The following SAMSN1 variants were observed in gnomAD, a reference collection of about 807,000 sequenced individuals.
SAMSN1 encodes SAM domain-containing protein SAMSN-1.
A neutral mutation model predicts 42.0 loss-of-function variants in SAMSN1; 31 were observed. That is an observed-to-expected ratio of 0.74 (90% CI 0.55 to 1.00). The LOEUF (loss-of-function observed/expected upper bound fraction) is 1.00. Among genes scored for constraint, SAMSN1 ranks in the 50% least tolerant of loss-of-function variants. The probability of loss-of-function intolerance (pLI) is 0.00; values close to 1 mark genes in which losing one functional copy is unlikely to be tolerated. For synonymous variants in SAMSN1, 178 were observed against 151.9 expected (o/e 1.17, Z -1.26); for missense variants, 464 against 439.4 (o/e 1.06, Z -0.50).
intron 2 of SAMSN1, among the ~76,000 whole-genome samples, chr21:14,581,961 G>A (rs943780560): frequency 1.3e-5 from 2 of 152,172 alleles, no homozygotes; most frequent in Non-Finnish European, 2.9e-5. Flanking sequence ...TATATGAAAT[G>A]TTAATATGGG....
intron 7 of SAMSN1, among the ~76,000 whole-genome samples, chr21:14,496,622 G>A (rs1039145468): frequency 2.0e-5 from 3 of 152,160 alleles, no homozygotes; most frequent in Non-Finnish European, 4.4e-5. Flanking sequence ...TTACCTGAAC[G>A]AACTTACTAT....
chr21:14,637,140 G>C (rs1227141886), intron 2 of SAMSN1, among the ~76,000 whole-genome samples: 1 of 152,168 alleles, frequency 6.6e-6, no homozygotes, highest in East Asian at 1.9e-4. Context: ...ATATGTGGCT[G>C]ATACAACTTA....
At chr21:14,635,971 C>T (rs1983458196) in intron 2 of SAMSN1, among the ~76,000 whole-genome samples, 1 of 152,120 alleles carries the variant, frequency 6.6e-6, no homozygotes, top group African/African-American at 2.4e-5. Context: ...GTCCCCCACC[C>T]CACAACAGGC....
intron 2 of SAMSN1, among the ~76,000 whole-genome samples, chr21:14,630,420 C>T (rs1341723415): frequency 6.6e-6 from 1 of 150,640 alleles, no homozygotes; most frequent in East Asian, 1.9e-4. Context: ...AAGAGATAAC[C>T]ATGGCTTTCA....
At chr21:14,524,498 A>C (rs1978707321) in intron 1 of SAMSN1, among the ~76,000 whole-genome samples, 1 of 152,162 alleles carries the variant, frequency 6.6e-6, no homozygotes, top group Admixed American at 6.5e-5. Context: ...GTCTTTCCTT[A>C]TGCAATTAGA....
intron 6 of SAMSN1, among the ~76,000 whole-genome samples, chr21:14,599,567 T>C (rs967779669): frequency 2.0e-5 from 3 of 152,166 alleles, no homozygotes; most frequent in Admixed American, 6.6e-5. Context: ...GTGTTTGGGT[T>C]ATGGGGCTGA....
rs1252662881 is a variant in SAMSN1, at chr21:14,652,832, C to T, written c.24+5916G>A. On this transcript the variant is annotated intron_variant, in intron 1 of 15. Coordinates refer to the SAMSN1 transcript ENST00000647101. Reference sequence around the variant, plus strand: ...GAACACACATGGAACTCAAACAACTCTATAGGAAAAAGTCTAATAATCTGA... The same window carrying T: ...GAACACACATGGAACTCAAACAACTTTATAGGAAAAAGTCTAATAATCTGA... Among the ~76,000 whole-genome samples the T allele has an allele frequency of 2.6e-5, 4 of 151,902 alleles. No individual in the cohort carries two copies. In the South Asian group the frequency reaches 8.3e-4, roughly 32 times the overall value.
At chr21:14,575,757 C>A (rs911817677) in intron 2 of SAMSN1, among the ~76,000 whole-genome samples, 2 of 152,104 alleles carry the variant, frequency 1.3e-5, no homozygotes, top group African/African-American at 2.4e-5. Flanking sequence ...TTGGCAGGAG[C>A]CTGACATCAC....
At chr21:14,647,051 G>A (rs1326828778) in intron 1 of SAMSN1, among the ~76,000 whole-genome samples, 2 of 152,150 alleles carry the variant, frequency 1.3e-5, no homozygotes, top group African/African-American at 4.8e-5. Context: ...TAAATGGCAA[G>A]AGTAAGTCCT....
At chr21:14,505,814 A>G (rs1987373412) in intron 5 of SAMSN1, among the ~76,000 whole-genome samples, 1 of 152,174 alleles carries the variant, frequency 6.6e-6, no homozygotes, top group Non-Finnish European at 1.5e-5. Flanking sequence ...TCAACAACAC[A>G]TGGAACTTTC....
At chr21:14,555,367 C>T (rs1980731882) in intron 2 of SAMSN1, among the ~76,000 whole-genome samples, 1 of 152,172 alleles carries the variant, frequency 6.6e-6, no homozygotes, top group Admixed American at 6.5e-5. Flanking sequence ...GTTTTGCCAA[C>T]TACATTCCTT....
chr21:14,504,088 A>G (rs7275458), intron 5 of SAMSN1, among the ~76,000 whole-genome samples: 10,856 of 152,202 alleles, frequency 0.071, 1,200 homozygotes, highest in African/African-American at 0.24. Context: ...CCCATGGGAC[A>G]AAAGAATCTG....
At chr21:14,539,504 C>A (rs971943347) in intron 1 of SAMSN1, among the ~76,000 whole-genome samples, 3 of 152,002 alleles carry the variant, frequency 2.0e-5, no homozygotes, top group African/African-American at 7.3e-5. Context: ...CAATAACAGA[C>A]AAACAGAGAG....
chr21:14,624,031 G>A (rs533540788), intron 2 of SAMSN1, among the ~76,000 whole-genome samples: 2 of 152,258 alleles, frequency 1.3e-5, no homozygotes, highest in African/African-American at 4.8e-5. Flanking sequence ...TGACTACTGG[G>A]TACACAACGA....
chr21:14,488,300 A>C (rs1986529138), intron 7 of SAMSN1, among the ~76,000 whole-genome samples: 1 of 152,176 alleles, frequency 6.6e-6, no homozygotes, highest in Non-Finnish European at 1.5e-5. Context: ...AAATTAAAAG[A>C]ACTGATCTAC....
chr21:14,649,935 A>G lies in SAMSN1; in HGVS notation c.25-6802T>C, dbSNP rs548119620. 2.0e-5 allele frequency among the ~76,000 whole-genome samples: 3 copies of G among 152,320 alleles called. No homozygotes were observed. In the South Asian group the frequency reaches 6.2e-4, roughly 32 times the overall value. On this transcript the variant is annotated intron_variant, in intron 1 of 15. Coordinates refer to the SAMSN1 transcript ENST00000647101. ...AGATTTCAACACAAAATCTATAAGA[A>G]GAGACAAAGAAGGTCACTATTTAAT...
intron 2 of SAMSN1, among the ~76,000 whole-genome samples, chr21:14,617,788 C>A (rs920006838): frequency 6.6e-6 from 1 of 152,230 alleles, no homozygotes; most frequent in Admixed American, 6.5e-5. Flanking sequence ...CAGGATTCCT[C>A]TGCCTTTGCT....
intron 1 of SAMSN1, among the ~76,000 whole-genome samples, chr21:14,529,644 A>C (rs891981363): frequency 6.6e-6 from 1 of 152,242 alleles, no homozygotes; most frequent in Non-Finnish European, 1.5e-5. Flanking sequence ...ACCATGGACC[A>C]AATCATTCCA....
At chr21:14,544,654 T>C (rs1036334127) in intron 1 of SAMSN1, among the ~76,000 whole-genome samples, 1 of 152,182 alleles carries the variant, frequency 6.6e-6, no homozygotes, top group African/African-American at 2.4e-5. Flanking sequence ...TGTATATTTT[T>C]TCAAAATTTT....
Sources: allele counts gnomAD v4.1 joint callset (sites outside exome capture counted in the v4.1 genomes callset), GRCh38; gene constraint gnomAD v4.1.1; transcripts MANE v1.5; gene names NCBI Gene and HGNC (gene_info 2026-07-23, HGNC 2026-07-21).